ADAM22: variants seen among roughly 807,000 people sequenced by gnomAD.
ADAM22 encodes the protein ADAM metallopeptidase domain 22, also known as disintegrin and metalloproteinase domain-containing protein 22.
Under a neutral mutation model 144.6 loss-of-function variants are expected in ADAM22, and 65 were observed. The ratio of observed to expected loss-of-function variants is 0.45; its 90% CI spans 0.37 to 0.55. The LOEUF is 0.55. Ranked by LOEUF, ADAM22 falls within the 20% of genes least tolerant of loss-of-function variation. The pLI is 0.00. For synonymous variants in ADAM22, 391 were observed against 412.6 expected (o/e 0.95, Z 0.63); for missense variants, 974 against 1,184.9 (o/e 0.82, Z 2.61).
At chr7:88,184,308 C>T (rs780362247) in intron 29 of ADAM22, 11 of 424,110 alleles carry the variant, frequency 2.6e-5, no homozygotes, top group Non-Finnish European at 4.7e-5. Flanking sequence ...GCCCCAAGCA[C>T]CTGAGCCTGG....
intron 4 of ADAM22, among the ~76,000 whole-genome samples, chr7:88,092,364 A>G (rs1820128080): frequency 6.6e-6 from 1 of 152,188 alleles, no homozygotes; most frequent in South Asian, 2.1e-4. Context: ...CAAATCTAAC[A>G]AACAAACTGA....
intron 3 of ADAM22, among the ~76,000 whole-genome samples, chr7:88,007,084 C>G (rs919204949): frequency 6.6e-6 from 1 of 152,280 alleles, no homozygotes; most frequent in African/African-American, 2.4e-5. Flanking sequence ...GTACAAAAAT[C>G]ACAAGCATTC....
chr7:88,074,855 C>A (rs114471036), intron 3 of ADAM22, among the ~76,000 whole-genome samples: 261 of 152,198 alleles, frequency 1.7e-3, no homozygotes, highest in African/African-American at 6.0e-3. Flanking sequence ...AGTTTGATGA[C>A]CTTCAGTTCA....
rs1851017574 is a variant in ADAM22 at position 88,199,645 on chromosome 7, T to C, written c.*3154T>C. 1 of 152,216 alleles carries C rather than the reference T, an allele frequency of 6.6e-6. No homozygotes were observed. The highest frequency in any genetic ancestry group is 2.4e-5 in the African/African-American group (1 of 41,454). 9.4% of individuals were successfully genotyped at this position (152,216 alleles called of 1,614,324 possible). A position where few individuals can be genotyped will look rare whatever the true frequency, so the allele number is the denominator to read the frequency against. ...AACATGGTGAGGGCTTTCAATTTGCTGTGGTTGCTGTATTTTTAACAAGAC... is the reference window on the plus strand; with the variant it reads ...AACATGGTGAGGGCTTTCAATTTGCCGTGGTTGCTGTATTTTTAACAAGAC... On this transcript the variant is annotated 3_prime_UTR_variant, in exon 32 of 32. Coordinates refer to ENST00000413139, the MANE Select transcript of ADAM22 (RefSeq NM_001324418.2).
chr7:87,943,187 T>A (rs1324956100), intron 2 of ADAM22, among the ~76,000 whole-genome samples: 1 of 149,920 alleles, frequency 6.7e-6, no homozygotes, highest in East Asian at 1.9e-4. Flanking sequence ...TATATAACTT[T>A]TTTTGTCATG....
At chr7:87,993,529 C>A (rs1790401992) in intron 3 of ADAM22, among the ~76,000 whole-genome samples, 2 of 152,170 alleles carry the variant, frequency 1.3e-5, no homozygotes, top group Non-Finnish European at 2.9e-5. Context: ...CTCTGGACAC[C>A]ACCTGAACTT....
intron 2 of ADAM22, among the ~76,000 whole-genome samples, chr7:87,957,402 G>A (rs1303807871): frequency 6.6e-6 from 1 of 151,980 alleles, no homozygotes; most frequent in Admixed American, 6.6e-5. Context: ...TAATGTAATG[G>A]ACACCCTTGT....
chr7:88,188,842 C>A (rs1848935784), intron 30 of ADAM22, among the ~76,000 whole-genome samples: 1 of 152,162 alleles, frequency 6.6e-6, no homozygotes, highest in African/African-American at 2.4e-5. Context: ...GTCAAAACCA[C>A]CACTGAGGGC....
intron 30 of ADAM22, among the ~76,000 whole-genome samples, chr7:88,188,185 A>G (rs555501805): frequency 2.0e-5 from 3 of 152,164 alleles, no homozygotes; most frequent in Admixed American, 6.5e-5. Flanking sequence ...CTTTCATCCT[A>G]TATGGGTTAG....
At chr7:88,151,507 AC>A (rs2129526346) in intron 20 of ADAM22, among the ~76,000 whole-genome samples, 187 bp downstream of exon 20, 1 of 152,316 alleles carries the variant, frequency 6.6e-6, no homozygotes, top group South Asian at 2.1e-4. Context: ...GCAGCCCCAC[AC>A]ATCTTGGCTA....
rs1280297742 is a variant in ADAM22 at position 88,201,297 on chromosome 7, C to CA, written c.*4807dup. 6.6e-6 allele frequency: 1 copy of CA among 152,224 alleles called. No individual in the cohort carries two copies. Among genetic ancestry groups the CA allele is most frequent in the Non-Finnish European group, 1.5e-5 (1 of 68,076 alleles). The allele number at this position is 152,224 out of a possible 1,614,324, so 9.4% of individuals were successfully genotyped here. ...GCATCTTTATCTTCACCCACTGGCA[C>CA]ATTAGCAGCTTATGCAACTTAGGAA... On this transcript the variant is annotated 3_prime_UTR_variant, in exon 32 of 32. Coordinates refer to ENST00000413139, the MANE Select transcript of ADAM22 (RefSeq NM_001324418.2).
intron 2 of ADAM22, among the ~76,000 whole-genome samples, chr7:87,945,306 A>C (rs1843427418): frequency 6.6e-6 from 1 of 152,078 alleles, no homozygotes; most frequent in South Asian, 2.1e-4. Flanking sequence ...TGAGATGGAT[A>C]ATTTTGGTGT....
intron 30 of ADAM22, 131 bp from the exon 31 acceptor site, chr7:88,192,985 A>C (rs376569460): frequency 1.5e-5 from 16 of 1,039,156 alleles, no homozygotes; most frequent in East Asian, 1.3e-4. Flanking sequence ...ATATCTTCCC[A>C]GTAGTTAAAT....
intron 3 of ADAM22, among the ~76,000 whole-genome samples, chr7:88,060,962 G>A (rs1809672501): frequency 6.6e-6 from 1 of 151,632 alleles, no homozygotes; most frequent in Non-Finnish European, 1.5e-5. Flanking sequence ...AACTTAGCCT[G>A]GTGTGGTGGC....
chr7:88,069,098 C>T (rs1373452341), intron 3 of ADAM22, among the ~76,000 whole-genome samples: 1 of 151,806 alleles, frequency 6.6e-6, no homozygotes, highest in African/African-American at 2.4e-5. Context: ...GTGCTCTCCC[C>T]CTCTCTCTCT....
At chr7:88,179,449 A>G (rs1171653883) in intron 27 of ADAM22, among the ~76,000 whole-genome samples, 1 of 152,096 alleles carries the variant, frequency 6.6e-6, no homozygotes, top group Admixed American at 6.6e-5. Context: ...AATTGGTGAT[A>G]TAAGTGCTGC....
intron 3 of ADAM22, among the ~76,000 whole-genome samples, chr7:87,991,646 G>T (rs941528152): frequency 6.6e-6 from 1 of 152,126 alleles, no homozygotes; most frequent in African/African-American, 2.4e-5. Context: ...GATTACAGGC[G>T]TGAGCCACCG....
intron 2 of ADAM22, among the ~76,000 whole-genome samples, chr7:87,962,695 C>T (rs1440758945): frequency 6.6e-6 from 1 of 152,022 alleles, no homozygotes; most frequent in Non-Finnish European, 1.5e-5. Flanking sequence ...GTGTTCCTCC[C>T]ACCTTAGCCT....
rs192362232 is a variant in ADAM22 at position 88,116,900 on chromosome 7, A to G, written c.607+86A>G. 189 of 1,013,394 alleles carry G rather than the reference A, an allele frequency of 1.9e-4. 2 individuals are homozygous for G. In the Middle Eastern group the frequency reaches 4.6e-3, roughly 24 times the overall value. The allele number at this position is 1,013,394 out of a possible 1,614,324, so 62.8% of individuals were successfully genotyped here. On this transcript the variant is annotated intron_variant, in intron 7 of 31. Transcript: ENST00000413139. ...CTTAGAACTAATCTATATTTGGAAT[A>G]TCATTAGCCCACATCTGCTTTTGAC...
Sources: allele counts gnomAD v4.1 joint callset (sites outside exome capture counted in the v4.1 genomes callset), GRCh38; gene constraint gnomAD v4.1.1; transcripts MANE v1.5; gene names NCBI Gene and HGNC (gene_info 2026-07-23, HGNC 2026-07-21).